VDAC1: variants seen among roughly 807,000 people sequenced by gnomAD.
VDAC1 encodes the protein voltage dependent anion channel 1.
Under a neutral mutation model 34.7 loss-of-function variants are expected in VDAC1, and 10 were observed. The observed-to-expected ratio is 0.29, with a 90% CI of 0.18 to 0.49. The LOEUF (loss-of-function observed/expected upper bound fraction) is 0.49, where lower values mean the gene tolerates loss of function less well. VDAC1 is among the 20% of genes least tolerant of loss of function. VDAC1 has a pLI of 0.99. For synonymous variants in VDAC1, 130 were observed against 136.0 expected, an observed-to-expected ratio of 0.96 and a Z score of 0.30; for missense variants, 230 against 347.9, an observed-to-expected ratio of 0.66 and a Z score of 2.69.
chr5:134,053,666 C>T, the VDAC1 span, among the ~76,000 whole-genome samples: 1 of 152,210 alleles, frequency 6.6e-6, no homozygotes, highest in Non-Finnish European at 1.5e-5. Context: ...ATGGGTGGGA[C>T]TTTCTCTCCA....
the VDAC1 span, among the ~76,000 whole-genome samples, chr5:134,061,388 T>C: frequency 6.1e-4 from 92 of 151,726 alleles, 2 homozygotes; most frequent in East Asian, 0.014. Flanking sequence ...GTTATTGTTG[T>C]TTGGAATAGG....
At chr5:134,028,245 G>GC in the VDAC1 span, among the ~76,000 whole-genome samples, 2 of 151,898 alleles carry the variant, frequency 1.3e-5, no homozygotes, top group Non-Finnish European at 1.5e-5. Flanking sequence ...CAATTCTCCT[G>GC]CCCCCACCTC....
chr5:134,057,886 C>G, the VDAC1 span, among the ~76,000 whole-genome samples: 2 of 152,022 alleles, frequency 1.3e-5, no homozygotes, highest in African/African-American at 2.4e-5. Context: ...GTACTTCTCA[C>G]TGTTTTTTGT....
chr5:133,981,055 G>T (rs184564112), intron 5 of VDAC1, 99 bp from the exon 6 acceptor site: 4 of 1,023,180 alleles, frequency 3.9e-6, no homozygotes, highest in African/African-American at 1.6e-5. Context: ...TAAAGGGAGT[G>T]GGGTGGGGGT....
intron 5 of VDAC1, among the ~76,000 whole-genome samples, chr5:133,983,261 AAAAG>A (rs1165693710): frequency 2.5e-4 from 38 of 152,104 alleles, no homozygotes; most frequent in African/African-American, 9.1e-4. Flanking sequence ...AAAAAAAAAA[AAAAG>A]AAAAAGAAAT....
intron 5 of VDAC1, among the ~76,000 whole-genome samples, chr5:133,984,419 C>CGTGTGTGTGTGTGTGTGTGTGT (rs70976506): frequency 8.2e-6 from 1 of 121,938 alleles, no homozygotes; most frequent in African/African-American, 3.2e-5. Flanking sequence ...CAATGACCAG[C>CGTGTGTGTGTGTGTGTGTGTGT]GTGTGTGTGT....
intron 3 of VDAC1, among the ~76,000 whole-genome samples, chr5:133,991,688 G>A (rs2126975137): frequency 6.6e-6 from 1 of 151,936 alleles, no homozygotes; most frequent in East Asian, 1.9e-4. Flanking sequence ...GGTTCCCCTG[G>A]ACCACCCATC....
At chr5:134,057,045 T>C in the VDAC1 span, among the ~76,000 whole-genome samples, 2 of 152,180 alleles carry the variant, frequency 1.3e-5, no homozygotes, top group Non-Finnish European at 2.9e-5. Context: ...AAAGTATATG[T>C]GTCTTTTGGC....
chr5:134,077,721 C>T, the VDAC1 span, among the ~76,000 whole-genome samples: 4 of 152,216 alleles, frequency 2.6e-5, no homozygotes, highest in African/African-American at 9.6e-5. Flanking sequence ...CTAGGCCTCC[C>T]TTTTGCCCCC....
rs1188856027 is a variant in VDAC1, at chr5:133,975,478, T to C, written c.702+393A>G. Among the ~76,000 whole-genome samples, 9 of 151,372 alleles carry C rather than the reference T, an allele frequency of 5.9e-5. No homozygotes were observed. The East Asian group carries it at 1.7e-3, about 29-fold the overall frequency. ...TGAGACGGAGTCTTTTTTTTTTTTTTGAGATAGAATCTCACTCTGTCACCC... is the reference window on the plus strand; with the variant it reads ...TGAGACGGAGTCTTTTTTTTTTTTTCGAGATAGAATCTCACTCTGTCACCC... On this transcript the variant is annotated intron_variant, in intron 7 of 8. Transcript: ENST00000265333.
intron 6 of VDAC1, among the ~76,000 whole-genome samples, chr5:133,980,006 G>A (rs1752631806): frequency 6.6e-6 from 1 of 152,146 alleles, no homozygotes; most frequent in African/African-American, 2.4e-5. Flanking sequence ...TAATATCACT[G>A]ATTTGCCTTA....
chr5:133,975,622 G>A (rs551108740), intron 7 of VDAC1, among the ~76,000 whole-genome samples: 4 of 152,026 alleles, frequency 2.6e-5, no homozygotes, highest in East Asian at 1.9e-4. Context: ...CACCATGCCC[G>A]GCTAATTTTT....
chr5:134,028,656 C>G, the VDAC1 span, among the ~76,000 whole-genome samples: 195 of 152,222 alleles, frequency 1.3e-3, 9 homozygotes, highest in South Asian at 0.038. Context: ...CCTTCCCTCC[C>G]GTGAATGCCT....
chr5:134,077,558 G>A, the VDAC1 span, among the ~76,000 whole-genome samples: 1 of 152,154 alleles, frequency 6.6e-6, no homozygotes, highest in Non-Finnish European at 1.5e-5. Flanking sequence ...CCATCACGCT[G>A]GCATGCCCCA....
chr5:134,032,124 C>CAA, the VDAC1 span, among the ~76,000 whole-genome samples: 68 of 36,070 alleles, frequency 1.9e-3, 2 homozygotes, highest in African/African-American at 3.3e-3. Flanking sequence ...CTCTGCCTCA[C>CAA]AAAAAAAAAA....
chr5:134,076,133 C>T, the VDAC1 span, among the ~76,000 whole-genome samples: 2 of 152,202 alleles, frequency 1.3e-5, no homozygotes, highest in African/African-American at 2.4e-5. Context: ...GCACATGCCA[C>T]CATGTCTGGC....
At chr5:134,038,427 G>A in the VDAC1 span, among the ~76,000 whole-genome samples, 8 of 152,154 alleles carry the variant, frequency 5.3e-5, no homozygotes, top group Admixed American at 1.3e-4. Flanking sequence ...GGGTAAGAGC[G>A]GGGATTGAAA....
At chr5:133,982,579 A>G (rs1752742031) in intron 5 of VDAC1, among the ~76,000 whole-genome samples, 1 of 152,114 alleles carries the variant, frequency 6.6e-6, no homozygotes, top group African/African-American at 2.4e-5. Flanking sequence ...AGACTAAAGA[A>G]CCAACCTGTT....
At chr5:134,112,800 A>G in the VDAC1 span, among the ~76,000 whole-genome samples, 2 of 152,204 alleles carry the variant, frequency 1.3e-5, no homozygotes, top group Admixed American at 1.3e-4. Flanking sequence ...AACAAAACAA[A>G]ACAAAAAGAA....
Sources: allele counts gnomAD v4.1 joint callset (sites outside exome capture counted in the v4.1 genomes callset), GRCh38; gene constraint gnomAD v4.1.1; transcripts MANE v1.5; gene names NCBI Gene and HGNC (gene_info 2026-07-23, HGNC 2026-07-21).